Variants in OR6Y1 observed in about 807,000 individuals in gnomAD.
The protein encoded by OR6Y1 is olfactory receptor family 6 subfamily Y member 1, also known as olfactory receptor 6Y1.
OR6Y1 carries 1 observed loss-of-function variant against 0.4 expected under a neutral mutation model. The observed-to-expected ratio is 2.74, with a 90% CI of 0.97 to 13.02. OR6Y1 has a LOEUF of 13.02. Ranked by LOEUF, OR6Y1 falls within the 30% of genes most tolerant of loss-of-function variation. OR6Y1 has a pLI of 0.12. For missense variants in OR6Y1, 480 were observed against 399.8 expected, an observed-to-expected ratio of 1.20 and a Z score of -1.71; for synonymous variants, 173 against 141.1, an observed-to-expected ratio of 1.23 and a Z score of -1.60.
At chr1:158,553,008 G>A (rs1647740705) in intron 1 of OR6Y1, among the ~76,000 whole-genome samples, 1 of 152,212 alleles carries the variant, frequency 6.6e-6, no homozygotes, top group Admixed American at 6.5e-5. Context: ...TTGCTGCTAT[G>A]TAGTAAGCCC....
At position 158,547,123 on chromosome 1, in the gene OR6Y1, AT is replaced by A; in HGVS notation, c.*4del. 6.2e-7 allele frequency: 1 copy of A among 1,608,210 alleles called. No individual in the cohort carries two copies. The highest frequency in any genetic ancestry group is 8.5e-7 in the Non-Finnish European group (1 of 1,177,984). On this transcript the variant is annotated 3_prime_UTR_variant, in exon 2 of 2. Coordinates refer to ENST00000641622, the MANE Select transcript of OR6Y1 (RefSeq NM_001005189.2). Reference sequence around the variant, plus strand: ...GTTCAAGCCTGAAAGGAATCTATACATTTTTTAACTACTGAAAGCCCCATTT... The same window carrying A: ...GTTCAAGCCTGAAAGGAATCTATACATTTTTAACTACTGAAAGCCCCATTT...
Position 158,547,274 on chromosome 1 carries a change from C to T in OR6Y1, c.832G>A (p.Val278Met). Reference protein sequence around the residue: ...KLMYAYNSNKVVSVLYTVIVP... With the variant: ...KLMYAYNSNKMVSVLYTVIVP... Reference sequence around the variant, plus strand: ...ATGACAGTGTAGAGAACAGATACCACTTTGTTGGAATTGTAGGCATACATG... The same window carrying T: ...ATGACAGTGTAGAGAACAGATACCATTTTGTTGGAATTGTAGGCATACATG... Residue 278 changes from valine to methionine, a missense_variant, in exon 2 of 2, where the codon GTG becomes ATG. Coordinates refer to ENST00000641622, the MANE Select transcript of OR6Y1 (RefSeq NM_001005189.2). The T allele has an allele frequency of 6.2e-7, 1 of 1,613,600 alleles. No homozygotes were observed. The highest frequency in any genetic ancestry group is 8.5e-7 in the Non-Finnish European group (1 of 1,179,986).
rs138238627 is a variant in OR6Y1 at position 158,547,219 on chromosome 1, C to G, written c.887G>C (p.Cys296Ser). The change falls in exon 2 of 2, where the codon TGT becomes TCT. Residue 296 changes from cysteine to serine, a missense_variant. Physicochemically the swap from Cys to Ser is moderately radical, Grantham distance 112. Coordinates refer to ENST00000641622, the MANE Select transcript of OR6Y1 (RefSeq NM_001005189.2). ...IVPLLNPIIY[C>S]LRNHEVKAAL... Reference sequence around the variant, plus strand: ...TGCCTTTACTTCATGGTTCCTCAGACAGTAAATGATGGGGTTGAGGAGTGG... The same window carrying G: ...TGCCTTTACTTCATGGTTCCTCAGAGAGTAAATGATGGGGTTGAGGAGTGG... The G allele has an allele frequency of 6.8e-6, 11 of 1,613,536 alleles. No homozygotes were observed. The highest frequency in any genetic ancestry group is 2.2e-5 in the East Asian group (1 of 44,878).
Position 158,546,976 on chromosome 1 carries a change from A to AGAAACTTTTGAT in OR6Y1, c.*151_*152insATCAAAAGTTTC, listed in dbSNP as rs1647553959. On this transcript the variant is annotated 3_prime_UTR_variant, in exon 2 of 2. Transcript: ENST00000641622. Reference sequence around the variant, plus strand: ...TTGAGAACATGTTTCTCCAGTCATGATTGTGTATACACACACACACACATG... The same window carrying AGAAACTTTTGAT: ...TTGAGAACATGTTTCTCCAGTCATGAGAAACTTTTGATTTGTGTATACACACACACACACATG... 1.5e-6 allele frequency: 1 copy of AGAAACTTTTGAT among 681,610 alleles called. No homozygotes were observed. The highest frequency in any genetic ancestry group is 1.8e-5 in the African/African-American group (1 of 55,086). The allele number at this position is 681,610 out of a possible 1,614,324, so 42.2% of individuals were successfully genotyped here.
In OR6Y1 at chr1:158,547,843, A is replaced by C. The variant is rs779359210; in HGVS notation, c.263T>G (p.Val88Gly). The C allele has an allele frequency of 1.2e-5, 19 of 1,613,552 alleles. No homozygotes were observed. Among genetic ancestry groups the C allele is most frequent in the Non-Finnish European group, 1.5e-5 (18 of 1,180,022 alleles). The change falls in exon 2 of 2, where the codon GTT (valine) becomes GGT (glycine). Residue 88 changes from valine (V) to glycine (G), a missense_variant. Coordinates refer to ENST00000641622, the MANE Select transcript of OR6Y1 (RefSeq NM_001005189.2). ...YVTVISPKML[V>G]DFLSHDKSIS... ...ACTCTTGTCATGACTGAGGAAGTCAACAAGCATCTTGGGGCTGATGACTGT... is the reference window on the plus strand; with the variant it reads ...ACTCTTGTCATGACTGAGGAAGTCACCAAGCATCTTGGGGCTGATGACTGT...
rs1295209854 is a variant in OR6Y1, at chr1:158,544,938, G to T, written c.*2190C>A. On this transcript the variant is annotated 3_prime_UTR_variant, in exon 2 of 2. Transcript: ENST00000641622. ...CATTTTCTTTATCCAGTCTATTATT[G>T]ATGGGCATTGTGGTTGGTTCCATGT... The T allele has an allele frequency of 6.6e-6, 1 of 151,972 alleles. No homozygotes were observed. Among genetic ancestry groups the T allele is most frequent in the Non-Finnish European group, 1.5e-5 (1 of 68,010 alleles). 9.4% of individuals were successfully genotyped at this position (151,972 alleles called of 1,614,324 possible).
chr1:158,551,473 A>G (rs531682953), intron 1 of OR6Y1, among the ~76,000 whole-genome samples: 1 of 151,844 alleles, frequency 6.6e-6, no homozygotes, highest in Admixed American at 6.5e-5. Context: ...GTGGCAGAGT[A>G]GCAATTTATT....
Position 158,547,789 on chromosome 1 carries a change from A to C in OR6Y1, c.317T>G (p.Leu106Arg). ...GCAGACAAAGGTCACAAAAAAGTAA[A>C]GTTGAGTCATGCAGCCATTGAAGGA... ...SISFNGCMTQ[L>R]YFFVTFVCTE... Residue 106 changes from leucine (L) to arginine (R), a missense_variant, in exon 2 of 2, where the codon CTT becomes CGT. Physicochemically the swap from Leu to Arg is moderately radical, Grantham distance 102 (BLOSUM62 -2). Coordinates refer to ENST00000641622, the MANE Select transcript of OR6Y1 (RefSeq NM_001005189.2). 1.2e-6 allele frequency: 2 copies of C among 1,613,522 alleles called. No individual in the cohort carries two copies. Among genetic ancestry groups the C allele is most frequent in the South Asian group, 2.2e-5 (2 of 91,078 alleles).
At position 158,545,813 on chromosome 1, in the gene OR6Y1, A is replaced by G. The variant is rs529762187; in HGVS notation, c.*1315T>C. ...TCAGTTTAATTACATCCCATTTGTC[A>G]ATTTTTGTTTTTTAATATCTTTTTA... On this transcript the variant is annotated 3_prime_UTR_variant, in exon 2 of 2. Transcript: ENST00000641622. The G allele has an allele frequency of 1.8e-4, 27 of 152,176 alleles. No individual in the cohort carries two copies. The highest frequency in any genetic ancestry group is 6.0e-4 in the African/African-American group (25 of 41,532). 9.4% of individuals were successfully genotyped at this position (152,176 alleles called of 1,614,324 possible). A position where few individuals can be genotyped will look rare whatever the true frequency, so the allele number is the denominator to read the frequency against.
intron 1 of OR6Y1, among the ~76,000 whole-genome samples, chr1:158,552,344 T>TGGGGAC (rs1441390892): frequency 6.6e-6 from 1 of 151,480 alleles, no homozygotes; most frequent in East Asian, 1.9e-4. Flanking sequence ...TGGGGACAAA[T>TGGGGAC]ATCATCAGGC....
In OR6Y1 at chr1:158,547,043, TG is replaced by T. The variant is rs371762231; in HGVS notation, c.*84del. Reference sequence around the variant, plus strand: ...AGAGCAGTGTTACAGTACTGGAGATTGGGGGATAACCAAAGACAAGACTGAG... The same window carrying T: ...AGAGCAGTGTTACAGTACTGGAGATTGGGGATAACCAAAGACAAGACTGAG... On this transcript the variant is annotated 3_prime_UTR_variant, in exon 2 of 2. Transcript: ENST00000641622. 3 of 1,329,160 alleles carry T rather than the reference TG, an allele frequency of 2.3e-6. No individual in the cohort carries two copies. Among genetic ancestry groups the T allele is most frequent in the Non-Finnish European group, 3.1e-6 (3 of 964,012 alleles). The allele number at this position is 1,329,160 out of a possible 1,614,324, so 82.3% of individuals were successfully genotyped here. A position where few individuals can be genotyped will look rare whatever the true frequency, so the allele number is the denominator to read the frequency against.
chr1:158,547,711 C>T lies in OR6Y1; in HGVS notation c.395G>A (p.Cys132Tyr), dbSNP rs138226850. The change falls in exon 2 of 2, where the codon TGT becomes TAT. Residue 132 changes from cysteine to tyrosine, a missense_variant. Transcript: ENST00000641622. ...GATGACTGGGTAGCGTAGTGGATTA[C>T]AAATGGCTACATAGCGGTCAAAGGC... ...IMAFDRYVAI[C>Y]NPLRYPVIMT... 5.1e-4 allele frequency: 821 copies of T among 1,613,358 alleles called. 1 individual carries two copies. The highest frequency in any genetic ancestry group is 6.5e-4 in the Non-Finnish European group (764 of 1,180,016).
intron 1 of OR6Y1, among the ~76,000 whole-genome samples, chr1:158,552,001 T>A (rs1647715775): frequency 6.6e-6 from 1 of 152,096 alleles, no homozygotes; most frequent in Admixed American, 6.6e-5. Context: ...ATTTGGGAGA[T>A]GGAACACTTT....
rs146734061 is a variant in OR6Y1, at chr1:158,550,174, A to G, written c.-1432-637T>C. Among the ~76,000 whole-genome samples, 125 of 151,560 alleles carry G rather than the reference A, an allele frequency of 8.2e-4. 4 individuals are homozygous for G. Among genetic ancestry groups the G allele is most frequent in the African/African-American group, 2.9e-3 (119 of 40,970 alleles). ...GTAGAAGATGCCTAGCCTAAAAAGCATGGTTAGAATAATTCTACTAATTAA... is the reference window on the plus strand; with the variant it reads ...GTAGAAGATGCCTAGCCTAAAAAGCGTGGTTAGAATAATTCTACTAATTAA... On this transcript the variant is annotated intron_variant, in intron 1 of 1. Coordinates refer to ENST00000641622, the MANE Select transcript of OR6Y1 (RefSeq NM_001005189.2).
In OR6Y1 at chr1:158,545,743, G is replaced by A. The variant is rs905520022; in HGVS notation, c.*1385C>T. On this transcript the variant is annotated 3_prime_UTR_variant, in exon 2 of 2. Transcript: ENST00000641622. ...CAAAAATGTTTTCATTCTGTAGGTT[G>A]TTTGTTCACTCTGTTGATAATTTCT... 4.6e-5 allele frequency: 7 copies of A among 152,096 alleles called. No homozygotes were observed. Among genetic ancestry groups the A allele is most frequent in the Admixed American group, 4.6e-4 (7 of 15,268 alleles). The allele number at this position is 152,096 out of a possible 1,614,324, so 9.4% of individuals were successfully genotyped here.
At position 158,549,433 on chromosome 1, in the gene OR6Y1, TG is replaced by T. The variant is rs1215599011; in HGVS notation, c.-1329del. 7.9e-5 allele frequency: 3 copies of T among 38,204 alleles called. No homozygotes were observed. Among genetic ancestry groups the T allele is most frequent in the East Asian group, 1.0e-3 (1 of 954 alleles). The allele number at this position is 38,204 out of a possible 1,614,324, so 2.4% of individuals were successfully genotyped here. On this transcript the variant is annotated 5_prime_UTR_variant, in exon 2 of 2. The change creates a premature stop within an existing upstream ORF in the 5' untranslated region. Transcript: ENST00000641622. ...ATAAATATGTAGGACAACTAGGGGA[TG>T]GTTTTTTTTTTTTTTTAAGGAATGA...
At chr1:158,551,994 T>C (rs1327710366) in intron 1 of OR6Y1, among the ~76,000 whole-genome samples, 1 of 152,090 alleles carries the variant, frequency 6.6e-6, no homozygotes, top group Non-Finnish European at 1.5e-5. Context: ...ACTTTTGATT[T>C]GGGAGATGGA....
At position 158,547,207 on chromosome 1, in the gene OR6Y1, T is replaced by C. The variant is rs1200239720; in HGVS notation, c.899A>G (p.His300Arg). 3 of 1,613,662 alleles carry C rather than the reference T, an allele frequency of 1.9e-6. No individual in the cohort carries two copies. Among genetic ancestry groups the C allele is most frequent in the African/African-American group, 1.3e-5 (1 of 74,626 alleles). ...CTTTCTGAGGGCTGCCTTTACTTCATGGTTCCTCAGACAGTAAATGATGGG... is the reference window on the plus strand; with the variant it reads ...CTTTCTGAGGGCTGCCTTTACTTCACGGTTCCTCAGACAGTAAATGATGGG... ...LNPIIYCLRN[H>R]EVKAALRKTI... The change falls in exon 2 of 2, where the codon CAT becomes CGT. Residue 300 changes from histidine (H) to arginine (R), a missense_variant. His to Arg is a conservative substitution (Grantham distance 29). Transcript: ENST00000641622.
At chr1:158,553,009 T>C (rs1260644637) in intron 1 of OR6Y1, among the ~76,000 whole-genome samples, 1 of 152,216 alleles carries the variant, frequency 6.6e-6, no homozygotes, top group Non-Finnish European at 1.5e-5. Context: ...TGCTGCTATG[T>C]AGTAAGCCCC....
Sources: allele counts gnomAD v4.1 joint callset (sites outside exome capture counted in the v4.1 genomes callset), GRCh38; gene constraint gnomAD v4.1.1; transcripts MANE v1.5; gene names NCBI Gene and HGNC (gene_info 2026-07-23, HGNC 2026-07-21).